Variants in CANX observed in about 807,000 individuals in gnomAD.
The protein encoded by CANX is calnexin, also known as epididymis secretory sperm binding protein.
Under a neutral mutation model 75.7 loss-of-function variants are expected in CANX, and 14 were observed. The observed-to-expected ratio is 0.19, with a 90% CI of 0.12 to 0.29. The LOEUF (loss-of-function observed/expected upper bound fraction) is 0.29, where lower values mean the gene tolerates loss of function less well. Among genes scored for constraint, CANX ranks in the 10% least tolerant of loss-of-function variants. The pLI is 1.00. For missense variants in CANX, 567 were observed against 713.2 expected (o/e 0.79, Z 2.34); for synonymous variants, 227 against 236.9 (o/e 0.96, Z 0.38).
At chr5:179,708,101 G>A (rs1777285890) in intron 4 of CANX, 138 bp from the exon 5 acceptor site, 3 of 646,910 alleles carry the variant, frequency 4.6e-6, no homozygotes, top group Non-Finnish European at 8.3e-6. Flanking sequence ...GCCTCCCTAA[G>A]TGCTGGGATT....
chr5:179,717,124 T>C (rs1002153636), intron 8 of CANX, among the ~76,000 whole-genome samples: 3 of 152,170 alleles, frequency 2.0e-5, no homozygotes, highest in African/African-American at 7.2e-5. Context: ...TGTCAGAAAG[T>C]GAACAAAGAA....
chr5:179,731,603 CTT>C lies in CANX; in HGVS notation c.*2960_*2961del, dbSNP rs1222521889. Among the ~76,000 whole-genome samples the C allele has an allele frequency of 6.6e-6, 1 of 152,026 alleles. No individual in the cohort carries two copies. The highest frequency in any genetic ancestry group is 1.5e-5 in the Non-Finnish European group (1 of 67,994). ...AAGACATATTTGATTGTTGTTTTCT[CTT>C]GATTTTAAAATAAAACCTCATGAGC... On this transcript the variant is annotated 3_prime_UTR_variant, in exon 15 of 15. Transcript: ENST00000247461.
At position 179,719,715 on chromosome 5, in the gene CANX, C is replaced by T; in HGVS notation, c.959C>T (p.Pro320Leu). The change falls in exon 9 of 15, where the codon CCC becomes CTC. Residue 320 changes from proline (P) to leucine (L), a missense_variant. Pro to Leu is a moderately conservative substitution (Grantham distance 98). Around this residue, in one of 3 missense-constraint regions of CANX, gnomAD observed 351 missense variants for 433.8 expected, o/e 0.81. Coordinates refer to ENST00000247461, the MANE Select transcript of CANX (RefSeq NM_001746.4). The stretch of plus-strand genomic sequence containing the variant: ...ATTCCAGATGAAGAGGCCACAAAAC[C>T]CGAAGGCTGGTTAGATGATGAGCCT... ...AKIPDEEATK[P>L]EGWLDDEPEY... 1 of 1,613,340 alleles carries T rather than the reference C, an allele frequency of 6.2e-7. No homozygotes were observed. The highest frequency in any genetic ancestry group is 8.5e-7 in the Non-Finnish European group (1 of 1,179,664).
In CANX at chr5:179,713,104, C is replaced by T. The variant is rs115111968; in HGVS notation, c.722-3001C>T. On this transcript the variant is annotated intron_variant, in intron 7 of 14. Transcript: ENST00000247461. ...CAACCTTTTTTTCTTTTTTTTGTGA[C>T]GGAGTCTTGCTTTGTCATCCAGGCT... Among the ~76,000 whole-genome samples, 322 of 151,288 alleles carry T rather than the reference C, an allele frequency of 2.1e-3. 2 individuals carry two copies. Among genetic ancestry groups the T allele is most frequent in the African/African-American group, 7.4e-3 (307 of 41,210 alleles).
At chr5:179,692,507 C>T (rs1285471526) in intron 1 of CANX, among the ~76,000 whole-genome samples, 1 of 151,900 alleles carries the variant, frequency 6.6e-6, no homozygotes. Context: ...AGCCCCTGAG[C>T]AACAAAGAGC....
chr5:179,698,024 G>T (rs191513642), upstream of CANX, among the ~76,000 whole-genome samples: 1 of 152,292 alleles, frequency 6.6e-6, no homozygotes, highest in African/African-American at 2.4e-5. Flanking sequence ...GCTGATTCTA[G>T]TGTTTTCCAC....
At chr5:179,697,057 T>A (rs1776422369), upstream of CANX, among the ~76,000 whole-genome samples, 1 of 152,160 alleles carries the variant, frequency 6.6e-6, no homozygotes, top group South Asian at 2.1e-4. Context: ...TCTGTTTGTT[T>A]TTATTATTTA....
chr5:179,697,026 A>C (rs1416058798), upstream of CANX, among the ~76,000 whole-genome samples: 1 of 152,192 alleles, frequency 6.6e-6, no homozygotes, highest in Non-Finnish European at 1.5e-5. Context: ...TGGACTGCAC[A>C]AACGATGCCC....
intron 8 of CANX, among the ~76,000 whole-genome samples, chr5:179,718,074 G>A (rs377062423): frequency 5.1e-4 from 77 of 152,232 alleles, no homozygotes; most frequent in African/African-American, 1.8e-3. Flanking sequence ...GTACGGTCAC[G>A]GCTCACTGCA....
At chr5:179,706,372 G>A in intron 3 of CANX, 41 bp downstream of exon 3, 1 of 1,018,328 alleles carries the variant, frequency 9.8e-7, no homozygotes, top group Middle Eastern at 2.1e-4. Flanking sequence ...AGGCAGACAT[G>A]TAAATAAGAT....
chr5:179,679,151 TTG>T, intron 1 of CANX: 1 of 1,535,508 alleles, frequency 6.5e-7, no homozygotes, highest in Non-Finnish European at 8.7e-7. Flanking sequence ...GGCGTGGACC[TTG>T]TAGGGCACGC....
chr5:179,705,771 T>C lies in CANX; in HGVS notation c.90T>C (p.Asp30=). 6.2e-7 allele frequency: 1 copy of C among 1,609,980 alleles called. No individual in the cohort carries two copies. Among genetic ancestry groups the C allele is most frequent in the Non-Finnish European group, 8.5e-7 (1 of 1,176,260 alleles). Reference sequence around the variant, plus strand: ...ATGGACATGATGATGATGTGATTGATATTGAGGATGACCTTGACGATGTCA... The same window carrying C: ...ATGGACATGATGATGATGTGATTGACATTGAGGATGACCTTGACGATGTCA... ...AHDGHDDDVI[D]IEDDLDDVIE... Residue 30 remains aspartate (D), a synonymous_variant, in exon 2 of 15, where the codon GAT becomes GAC. Coordinates refer to ENST00000247461, the MANE Select transcript of CANX (RefSeq NM_001746.4).
chr5:179,689,170 C>A (rs528186935), intron 1 of CANX, among the ~76,000 whole-genome samples: 1 of 151,974 alleles, frequency 6.6e-6, no homozygotes, highest in Non-Finnish European at 1.5e-5. Context: ...TCGCTTAAAC[C>A]CAGGAGGCAG....
chr5:179,728,217 A>G (rs1222979521), intron 14 of CANX, among the ~76,000 whole-genome samples: 2 of 152,186 alleles, frequency 1.3e-5, no homozygotes, highest in Non-Finnish European at 2.9e-5. Flanking sequence ...GTCTACTTGG[A>G]TAGCCTTCCA....
chr5:179,680,472 C>G (rs1008347386), intron 1 of CANX, among the ~76,000 whole-genome samples: 1 of 152,110 alleles, frequency 6.6e-6, no homozygotes, highest in African/African-American at 2.4e-5. Context: ...CCTAATCCAG[C>G]TTGGAAGACA....
chr5:179,690,722 C>A (rs903732893), intron 1 of CANX, among the ~76,000 whole-genome samples: 14 of 150,510 alleles, frequency 9.3e-5, no homozygotes, highest in African/African-American at 3.4e-4. Context: ...GAAGCCGTCT[C>A]TACTAAAAAT....
chr5:179,679,569 G>T (rs890363120), intron 1 of CANX, among the ~76,000 whole-genome samples: 1 of 152,198 alleles, frequency 6.6e-6, no homozygotes, highest in African/African-American at 2.4e-5. Flanking sequence ...CAAGTAAGTA[G>T]GTACTTAAAG....
rs573491071 is a variant in CANX, at chr5:179,705,923, A to C, written c.171+71A>C. On this transcript the variant is annotated intron_variant, in intron 2 of 14. Transcript: ENST00000247461. ...TAAAATTATGAAGATACCCGGGTGC[A>C]GGGAAATGTAGTCTCAACTACTCAG... 150 of 1,299,808 alleles carry C rather than the reference A, an allele frequency of 1.2e-4. 3 individuals carry two copies. The Middle Eastern group carries it at 7.6e-3, about 66-fold the overall frequency. The allele number at this position is 1,299,808 out of a possible 1,614,324, so 80.5% of individuals were successfully genotyped here.
At chr5:179,707,538 C>T (rs71613415) in intron 4 of CANX, among the ~76,000 whole-genome samples, 12,240 of 146,024 alleles carry the variant, frequency 0.084, 718 homozygotes, top group Admixed American at 0.17. Context: ...GAGCCGAGAA[C>T]GCGCCACTGC....
Sources: gnomAD v4.1 joint callset for allele counts (sites outside exome capture counted in the v4.1 genomes callset) on GRCh38, gnomAD v4.1.1 for gene constraint, gnomAD v4.1.1 regional missense constraint, MANE v1.5 for transcripts, NCBI Gene and HGNC (gene_info 2026-07-23, HGNC 2026-07-21) for gene names.